UNC13B: variants seen among roughly 807,000 people sequenced by gnomAD.
The protein encoded by UNC13B is unc-13 homolog B, also known as protein unc-13 homolog B.
Under a neutral mutation model 211.0 loss-of-function variants are expected in UNC13B, and 144 were observed. The ratio of observed to expected loss-of-function variants is 0.68; its 90% CI spans 0.60 to 0.78. The LOEUF is 0.78. Among genes scored for constraint, UNC13B ranks in the 30% least tolerant of loss-of-function variants. UNC13B has a pLI of 0.00. For synonymous variants in UNC13B, 709 were observed against 725.8 expected, an observed-to-expected ratio of 0.98 and a Z score of 0.37; for missense variants, 1,777 against 2,002.0, an observed-to-expected ratio of 0.89 and a Z score of 2.14.
At chr9:35,266,416 T>C (rs1368706450) in intron 7 of UNC13B, among the ~76,000 whole-genome samples, 3 of 152,174 alleles carry the variant, frequency 2.0e-5, no homozygotes, top group African/African-American at 7.2e-5. Flanking sequence ...CAAGAGTTAC[T>C]GTGGCTGGAA....
At chr9:35,277,876 T>A (rs1048333294) in intron 7 of UNC13B, among the ~76,000 whole-genome samples, 2 of 151,606 alleles carry the variant, frequency 1.3e-5, no homozygotes, top group African/African-American at 4.9e-5. Context: ...GTACCCTCAA[T>A]GGGTACACAG....
rs772413377 is a variant in UNC13B at position 35,310,529 on chromosome 9, G to C, written c.9071G>C (p.Ser3024Thr). 1 of 1,614,020 alleles carries C rather than the reference G, an allele frequency of 6.2e-7. No homozygotes were observed. The highest frequency in any genetic ancestry group is 8.5e-7 in the Non-Finnish European group (1 of 1,180,026). The change falls in exon 10 of 40, where the codon AGT becomes ACT. Residue 3024 changes from serine to threonine, a missense_variant. Coordinates refer to ENST00000635942, the MANE Select transcript of UNC13B (RefSeq NM_001371189.2). ...CNVSQGSSQL[S>T]ELDQYHEQDD... ...GTGAGTCAAGGAAGCTCTCAGCTAA[G>C]TGAACTAGACCAGTATCACGAACAA...
At chr9:35,333,161 T>C (rs928586004) in intron 11 of UNC13B, among the ~76,000 whole-genome samples, 5 of 152,174 alleles carry the variant, frequency 3.3e-5, no homozygotes, top group Non-Finnish European at 5.9e-5. Context: ...AAAAGCTAAA[T>C]GAAAAATAGC....
rs938135185 is a variant in UNC13B at position 35,390,077 on chromosome 9, C to T, written c.11222+104C>T. 4.5e-6 allele frequency: 7 copies of T among 1,546,058 alleles called. No homozygotes were observed. In the Admixed American group the frequency reaches 6.9e-5, roughly 15 times the overall value. On this transcript the variant is annotated intron_variant, in intron 25 of 39. Transcript: ENST00000635942. ...CTGTATGTTTGCAGTGCCACCTCTTCTTCCTGTCCATCCATCTGTCCCTCT... is the reference window on the plus strand; with the variant it reads ...CTGTATGTTTGCAGTGCCACCTCTTTTTCCTGTCCATCCATCTGTCCCTCT...
intron 2 of UNC13B, among the ~76,000 whole-genome samples, chr9:35,229,022 G>A (rs1825043755): frequency 6.6e-6 from 1 of 151,954 alleles, no homozygotes; most frequent in Admixed American, 6.6e-5. Flanking sequence ...TCTCTTGCAA[G>A]TTTTTACTAT....
chr9:35,369,315 A>G (rs1056348974), intron 12 of UNC13B, among the ~76,000 whole-genome samples: 2 of 152,210 alleles, frequency 1.3e-5, no homozygotes, highest in Admixed American at 1.3e-4. Flanking sequence ...ATTAAAACCA[A>G]GTACATGAGT....
At chr9:35,375,330 A>T (rs550058706) in intron 14 of UNC13B, 129 bp downstream of exon 14, 3 of 985,912 alleles carry the variant, frequency 3.0e-6, no homozygotes, top group East Asian at 5.0e-5. Flanking sequence ...GATGAAAAAG[A>T]TAGATAGCAT....
chr9:35,177,043 G>C (rs1423164595), intron 1 of UNC13B, among the ~76,000 whole-genome samples: 2 of 152,108 alleles, frequency 1.3e-5, no homozygotes, highest in Non-Finnish European at 2.9e-5. Context: ...ACCCGCCTCG[G>C]CCTCCCAAAG....
Position 35,301,647 on chromosome 9 carries a change from A to T in UNC13B, c.2243A>T (p.Asp748Val), listed in dbSNP as rs1829691066. 1 of 398,790 alleles carries T rather than the reference A, an allele frequency of 2.5e-6. No homozygotes were observed. Among genetic ancestry groups the T allele is most frequent in the South Asian group, 1.3e-4 (1 of 7,868 alleles). 24.7% of individuals were successfully genotyped at this position (398,790 alleles called of 1,614,324 possible). The part of the protein sequence containing the change: ...SNLVSSASKN[D>V]ESLLEEKLCI... ...TTAGTTAGTTCTGCAAGTAAAAATGATGAGAGTCTATTGGAAGAAAAACTC... is the reference window on the plus strand; with the variant it reads ...TTAGTTAGTTCTGCAAGTAAAAATGTTGAGAGTCTATTGGAAGAAAAACTC... The change falls in exon 9 of 40, where the codon GAT (aspartate) becomes GTT (valine). Residue 748 changes from aspartate (D) to valine (V), a missense_variant. Transcript: ENST00000635942.
intron 1 of UNC13B, among the ~76,000 whole-genome samples, chr9:35,218,973 T>G (rs1434215884): frequency 6.6e-6 from 1 of 152,096 alleles, no homozygotes; most frequent in Non-Finnish European, 1.5e-5. Flanking sequence ...GGCCTTGAAC[T>G]CCCAACCTCG....
chr9:35,169,188 T>TA (rs1209417869), intron 1 of UNC13B, among the ~76,000 whole-genome samples: 3 of 152,074 alleles, frequency 2.0e-5, no homozygotes, highest in Non-Finnish European at 4.4e-5. Flanking sequence ...CCATTCCTAC[T>TA]AAAAAAATAT....
chr9:35,366,621 TCTC>T (rs1564170096), intron 11 of UNC13B, among the ~76,000 whole-genome samples: 1 of 152,172 alleles, frequency 6.6e-6, no homozygotes, highest in Non-Finnish European at 1.5e-5. Flanking sequence ...AGTAGGCCCT[TCTC>T]CTGTGCTTGG....
At chr9:35,311,354 T>A (rs985279121) in intron 10 of UNC13B, among the ~76,000 whole-genome samples, 1 of 152,206 alleles carries the variant, frequency 6.6e-6, no homozygotes, top group African/African-American at 2.4e-5. Context: ...TAGTTGACCT[T>A]GTATATGGCA....
intron 11 of UNC13B, chr9:35,353,028 T>C: frequency 8.1e-7 from 1 of 1,232,204 alleles, no homozygotes; most frequent in Non-Finnish European, 1.0e-6. Context: ...CTCGATATTC[T>C]GAGCTCAAAG....
chr9:35,342,529 A>G (rs1258230280), intron 11 of UNC13B, among the ~76,000 whole-genome samples: 1 of 152,160 alleles, frequency 6.6e-6, no homozygotes, highest in Non-Finnish European at 1.5e-5. Context: ...CTTCACATGC[A>G]TGTATTTGTG....
chr9:35,401,361 A>G (rs2014299587), intron 37 of UNC13B, among the ~76,000 whole-genome samples: 1 of 152,184 alleles, frequency 6.6e-6, no homozygotes, highest in Non-Finnish European at 1.5e-5. Flanking sequence ...ATCTGTTCTC[A>G]TTTCCAATCC....
At position 35,233,231 on chromosome 9, in the gene UNC13B, A is replaced by G. The variant is rs189052739; in HGVS notation, c.152+2012A>G. ...CTAGCACTTCCAGTTGGCTATAACC[A>G]TAATTTCCAGTTATAACTCTTCCCA... is the stretch of plus-strand genomic sequence containing the variant. On this transcript the variant is annotated intron_variant, in intron 3 of 39. Coordinates refer to ENST00000635942, the MANE Select transcript of UNC13B (RefSeq NM_001371189.2). Among the ~76,000 whole-genome samples the G allele has an allele frequency of 7.2e-5, 11 of 152,326 alleles. No individual in the cohort carries two copies. The East Asian group carries it at 2.1e-3, about 29-fold the overall frequency.
intron 4 of UNC13B, among the ~76,000 whole-genome samples, chr9:35,237,040 GACAGAGTTT>G (rs1825552635): frequency 6.6e-6 from 1 of 152,074 alleles, no homozygotes; most frequent in Non-Finnish European, 1.5e-5. Flanking sequence ...ATGTAAGCCT[GACAGAGTTT>G]AAGGAACTAC....
At chr9:35,183,619 G>T (rs1380951719) in intron 1 of UNC13B, among the ~76,000 whole-genome samples, 2 of 148,512 alleles carry the variant, frequency 1.3e-5, no homozygotes, top group African/African-American at 2.5e-5. Flanking sequence ...CCCAGACGGG[G>T]CGGCCGGGCA....
Sources: gnomAD v4.1 joint callset for allele counts (sites outside exome capture counted in the v4.1 genomes callset) on GRCh38, gnomAD v4.1.1 for gene constraint, MANE v1.5 for transcripts, NCBI Gene and HGNC (gene_info 2026-07-23, HGNC 2026-07-21) for gene names.